IMMP2L: variants seen among roughly 807,000 people sequenced by gnomAD.
IMMP2L encodes inner mitochondrial membrane peptidase subunit 2, also known as mitochondrial inner membrane protease subunit 2.
In IMMP2L, 18 loss-of-function variants were observed where a neutral mutation model predicts 19.3. That is an observed-to-expected ratio of 0.93 (90% confidence interval 0.64 to 1.38). The LOEUF (loss-of-function observed/expected upper bound fraction) is 1.38. Ranked by LOEUF, IMMP2L falls within the 40% of genes most tolerant of loss-of-function variation. The pLI is 0.00. For synonymous variants in IMMP2L, 76 were observed against 73.0 expected (o/e 1.04, Z -0.21); for missense variants, 233 against 218.2 (o/e 1.07, Z -0.43).
At chr7:111,518,799 T>C (rs561960766) in intron 2 of IMMP2L, among the ~76,000 whole-genome samples, 1 of 152,264 alleles carries the variant, frequency 6.6e-6, no homozygotes, top group African/African-American at 2.4e-5. Context: ...ATTCATGAAA[T>C]ATAGATCCAA....
chr7:111,525,424 G>A (rs1210651602), intron 1 of IMMP2L, among the ~76,000 whole-genome samples: 2 of 152,110 alleles, frequency 1.3e-5, no homozygotes, highest in East Asian at 3.9e-4. Flanking sequence ...CAAATGAGAA[G>A]TAACTGAAAT....
chr7:111,199,909 C>T (rs1809923266), intron 3 of IMMP2L, among the ~76,000 whole-genome samples: 1 of 152,072 alleles, frequency 6.6e-6, no homozygotes, highest in Admixed American at 6.5e-5. Flanking sequence ...TAAAATTGAA[C>T]TCATAAGTTT....
At chr7:111,184,621 T>C (rs1808066247) in intron 3 of IMMP2L, among the ~76,000 whole-genome samples, 1 of 151,940 alleles carries the variant, frequency 6.6e-6, no homozygotes, top group South Asian at 2.1e-4. Context: ...ACCTCAAAGT[T>C]GGTCAAAAAA....
In IMMP2L at chr7:110,716,628, C is replaced by CT. The variant is rs781332021; in HGVS notation, c.409-52908dup. ...CTTTAAGAATGCTGAAAATAGGCAC[C>CT]TAATCTCTCTTGTCTTGTAAGATTT... On this transcript the variant is annotated intron_variant, in intron 5 of 5. Coordinates refer to ENST00000405709, the MANE Select transcript of IMMP2L (RefSeq NM_032549.4). 3.9e-5 allele frequency among the ~76,000 whole-genome samples: 6 copies of CT among 152,258 alleles called. No individual in the cohort carries two copies. The South Asian group carries it at 1.2e-3, about 32-fold the overall frequency.
intron 3 of IMMP2L, among the ~76,000 whole-genome samples, chr7:111,088,067 G>A (rs1394399272): frequency 6.6e-6 from 1 of 152,100 alleles, no homozygotes; most frequent in Non-Finnish European, 1.5e-5. Context: ...TTCAAACCCA[G>A]ACATTGTGGC....
intron 2 of IMMP2L, among the ~76,000 whole-genome samples, chr7:111,511,424 C>T (rs1280993282): frequency 6.6e-6 from 1 of 151,992 alleles, no homozygotes; most frequent in East Asian, 1.9e-4. Flanking sequence ...ACGGGCAGAT[C>T]GCTTGAGCTC....
At chr7:111,236,996 T>C (rs1230728028) in intron 3 of IMMP2L, among the ~76,000 whole-genome samples, 2 of 152,118 alleles carry the variant, frequency 1.3e-5, no homozygotes, top group Admixed American at 6.6e-5. Flanking sequence ...TACAATTAAA[T>C]GGCCATTCTC....
At chr7:110,992,428 A>G (rs2129559779) in intron 3 of IMMP2L, among the ~76,000 whole-genome samples, 1 of 152,136 alleles carries the variant, frequency 6.6e-6, no homozygotes, top group Non-Finnish European at 1.5e-5. Flanking sequence ...TAGTTCATAA[A>G]TATTAACAAA....
At chr7:110,809,771 C>T (rs1801898413) in intron 5 of IMMP2L, among the ~76,000 whole-genome samples, 1 of 152,040 alleles carries the variant, frequency 6.6e-6, no homozygotes, top group Non-Finnish European at 1.5e-5. Flanking sequence ...TTGGATACTT[C>T]ATGAGTTTTA....
chr7:111,227,189 G>A (rs879514911), intron 3 of IMMP2L, among the ~76,000 whole-genome samples: 1 of 152,008 alleles, frequency 6.6e-6, no homozygotes, highest in Non-Finnish European at 1.5e-5. Context: ...ACCACCACCT[G>A]GTTTCACCTT....
rs554820072 is a variant in IMMP2L, at chr7:111,047,281, A to G, written c.240-83716T>C. Reference sequence around the variant, plus strand: ...TTGGCTCACCACAACCTTGCCTCCCAGGTTCAAGGGATTCTCCTGCCTCAA... The same window carrying G: ...TTGGCTCACCACAACCTTGCCTCCCGGGTTCAAGGGATTCTCCTGCCTCAA... On this transcript the variant is annotated intron_variant, in intron 3 of 5. Transcript: ENST00000405709. 4.8e-3 allele frequency among the ~76,000 whole-genome samples: 735 copies of G among 151,840 alleles called. 6 individuals carry two copies. Among genetic ancestry groups the G allele is most frequent in the Non-Finnish European group, 6.6e-3 (447 of 67,958 alleles).
At chr7:111,464,578 T>A (rs533720764) in intron 3 of IMMP2L, among the ~76,000 whole-genome samples, 1 of 152,312 alleles carries the variant, frequency 6.6e-6, no homozygotes, top group East Asian at 1.9e-4. Context: ...TTAAATCAAT[T>A]AATCTATATA....
chr7:110,860,783 G>A (rs1434860679), intron 5 of IMMP2L, among the ~76,000 whole-genome samples: 48 of 151,968 alleles, frequency 3.2e-4, no homozygotes, highest in Admixed American at 3.2e-3. Flanking sequence ...CATTTTTTGT[G>A]TTAAAGCCAT....
intron 5 of IMMP2L, among the ~76,000 whole-genome samples, chr7:110,829,769 C>T (rs1803801197): frequency 6.6e-6 from 1 of 152,074 alleles, no homozygotes; most frequent in Admixed American, 6.6e-5. Flanking sequence ...CATTTGGTCT[C>T]TTTTTAAAAT....
chr7:111,485,036 C>T (rs559454013), intron 3 of IMMP2L, among the ~76,000 whole-genome samples: 4 of 152,174 alleles, frequency 2.6e-5, no homozygotes, highest in Non-Finnish European at 5.9e-5. Context: ...GATCCACACA[C>T]CTTGCCCTCC....
At chr7:111,413,387 G>A (rs1401665566) in intron 3 of IMMP2L, among the ~76,000 whole-genome samples, 2 of 151,074 alleles carry the variant, frequency 1.3e-5, no homozygotes, top group African/African-American at 2.4e-5. Context: ...AATCCAGATA[G>A]AGATTACAAA....
At position 111,124,079 on chromosome 7, in the gene IMMP2L, C is replaced by T. The variant is rs923064689; in HGVS notation, c.240-160514G>A. The T allele has an allele frequency of 1.1e-5, 17 of 1,613,810 alleles. No individual in the cohort carries two copies. Among genetic ancestry groups the T allele is most frequent in the Non-Finnish European group, 1.4e-5 (16 of 1,179,904 alleles). The stretch of plus-strand genomic sequence containing the variant: ...TTTCCTTCTAATCTAAATGTAGAAG[C>T]TGGGAGCTATGTTTCCTTTCACTGT... On this transcript the variant is annotated intron_variant, in intron 3 of 5. Transcript: ENST00000405709.
intron 2 of IMMP2L, among the ~76,000 whole-genome samples, 175 bp from the exon 3 acceptor site, chr7:111,487,516 T>C (rs1842755717): frequency 6.6e-6 from 1 of 152,190 alleles, no homozygotes; most frequent in South Asian, 2.1e-4. Context: ...CTCACTGGGA[T>C]TCTTCACAGA....
chr7:111,153,660 A>T (rs1429705696), intron 3 of IMMP2L, among the ~76,000 whole-genome samples: 1 of 152,026 alleles, frequency 6.6e-6, no homozygotes, highest in Non-Finnish European at 1.5e-5. Flanking sequence ...AAATGATTAA[A>T]CTCTTAACAA....
Sources: allele counts gnomAD v4.1 joint callset (sites outside exome capture counted in the v4.1 genomes callset), GRCh38; gene constraint gnomAD v4.1.1; transcripts MANE v1.5; gene names NCBI Gene and HGNC (gene_info 2026-07-23, HGNC 2026-07-21).